Variants in PKIB observed in about 807,000 individuals in gnomAD.
PKIB encodes the protein PKI-beta.
PKIB carries 2 observed loss-of-function variants against 4.5 expected under a neutral mutation model. The observed-to-expected ratio is 0.44, with a 90% confidence interval of 0.18 to 1.39. The LOEUF is 1.39. Ranked by LOEUF, PKIB falls within the 40% of genes most tolerant of loss-of-function variation. PKIB has a pLI of 0.27. For missense variants in PKIB, 94 were observed against 92.6 expected (o/e 1.02, Z -0.06); for synonymous variants, 38 against 36.0 (o/e 1.06, Z -0.20).
intron 3 of PKIB, among the ~76,000 whole-genome samples, chr6:122,600,222 G>C (rs563018983): frequency 2.6e-5 from 4 of 152,088 alleles, no homozygotes; most frequent in Non-Finnish European, 5.9e-5. Flanking sequence ...TGGGAGGCTA[G>C]GCCTGTCTCT....
chr6:122,558,949 G>A (rs1227495342), intron 2 of PKIB, among the ~76,000 whole-genome samples: 1 of 152,048 alleles, frequency 6.6e-6, no homozygotes, highest in Non-Finnish European at 1.5e-5. Context: ...TCATTCTTAC[G>A]CCTTTGCGCC....
chr6:122,717,215 T>TC (rs11465049), intron 3 of PKIB, among the ~76,000 whole-genome samples: 150,028 of 152,208 alleles, frequency 0.99, 73,972 homozygotes, highest in Middle Eastern at 1. Flanking sequence ...GTCCTACTCT[T>TC]CAACCATTAC....
chr6:122,686,165 T>A (rs1226486198), intron 3 of PKIB, among the ~76,000 whole-genome samples: 1 of 152,210 alleles, frequency 6.6e-6, no homozygotes, highest in African/African-American at 2.4e-5. Flanking sequence ...TTGAAGTATG[T>A]ACATTGCAGT....
intron 1 of PKIB, among the ~76,000 whole-genome samples, chr6:122,473,812 T>G (rs1029106357): frequency 6.6e-6 from 1 of 152,218 alleles, no homozygotes; most frequent in Non-Finnish European, 1.5e-5. Context: ...AAAATTCAAA[T>G]TAGTCTAAGT....
Position 122,725,530 on chromosome 6 carries a change from T to C in PKIB, c.*335T>C, listed in dbSNP as rs1016811102. 2 of 193,636 alleles carry C rather than the reference T, an allele frequency of 1.0e-5. No homozygotes were observed. The highest frequency in any genetic ancestry group is 1.2e-4 in the Admixed American group (2 of 17,324). The allele number at this position is 193,636 out of a possible 1,614,324, so 12.0% of individuals were successfully genotyped here. On this transcript the variant is annotated 3_prime_UTR_variant, in exon 5 of 5. Coordinates refer to ENST00000368452, the MANE Select transcript of PKIB (RefSeq NM_181795.3). ...TAGCCTGATGTATTTTTAATTCAAT[T>C]TTTATGGTGATGGGCAAATCATTCT...
chr6:122,480,536 A>C (rs1775584214), intron 2 of PKIB: 1 of 152,166 alleles, frequency 6.6e-6, no homozygotes, highest in African/African-American at 2.4e-5. Flanking sequence ...TTTTCTATTC[A>C]AGTTATTTAC....
chr6:122,613,972 A>AAG (rs1774877080), intron 1 of PKIB, among the ~76,000 whole-genome samples: 1 of 151,778 alleles, frequency 6.6e-6, no homozygotes, highest in South Asian at 2.1e-4. Context: ...AAAAAAAAAA[A>AAG]AAAAAAAAGA....
chr6:122,503,246 A>G (rs140341946), intron 2 of PKIB, among the ~76,000 whole-genome samples: 2 of 152,344 alleles, frequency 1.3e-5, no homozygotes, highest in Admixed American at 6.5e-5. Context: ...TTCAGTACAT[A>G]ACAGGTAGTG....
At chr6:122,578,781 T>G (rs1773622652) in intron 2 of PKIB, among the ~76,000 whole-genome samples, 1 of 152,172 alleles carries the variant, frequency 6.6e-6, no homozygotes, top group Admixed American at 6.5e-5. Context: ...TCCCATAATC[T>G]CCATGTGTCG....
At chr6:122,509,656 C>T (rs1474447137) in intron 2 of PKIB, among the ~76,000 whole-genome samples, 1 of 152,064 alleles carries the variant, frequency 6.6e-6, no homozygotes, top group Non-Finnish European at 1.5e-5. Context: ...TGGTGTCGAT[C>T]TCCTGACCTC....
intron 3 of PKIB, among the ~76,000 whole-genome samples, chr6:122,679,517 G>C (rs1466957722): frequency 6.6e-6 from 1 of 152,170 alleles, no homozygotes; most frequent in Non-Finnish European, 1.5e-5. Context: ...CTAAGCTAGA[G>C]AGGCTGGTGA....
chr6:122,703,440 A>G (rs1315777446), intron 3 of PKIB, among the ~76,000 whole-genome samples: 1 of 152,118 alleles, frequency 6.6e-6, no homozygotes, highest in East Asian at 1.9e-4. Flanking sequence ...TGATAAGACT[A>G]CTGTTTTTAT....
intron 2 of PKIB, among the ~76,000 whole-genome samples, chr6:122,556,058 C>T (rs994894706): frequency 2.0e-5 from 3 of 152,134 alleles, no homozygotes; most frequent in African/African-American, 2.4e-5. Context: ...TTAATCCCCA[C>T]GTGTTGGGGA....
intron 3 of PKIB, among the ~76,000 whole-genome samples, chr6:122,713,905 A>G (rs1779371748): frequency 1.3e-5 from 2 of 152,132 alleles, no homozygotes; most frequent in African/African-American, 4.8e-5. Flanking sequence ...TTTTCCCCCT[A>G]TAAATATTAA....
chr6:122,718,001 T>C, intron 4 of PKIB, 38 bp downstream of exon 4: 1 of 1,588,250 alleles, frequency 6.3e-7, no homozygotes, highest in Non-Finnish European at 8.6e-7. Flanking sequence ...ACAGCACTTG[T>C]CCCTTCTTAA....
chr6:122,614,724 AATAC>A (rs1336249560), intron 1 of PKIB, among the ~76,000 whole-genome samples: 13 of 152,310 alleles, frequency 8.5e-5, no homozygotes, highest in African/African-American at 3.1e-4. Flanking sequence ...GGATTGAGCT[AATAC>A]ATCTCAGAAG....
At chr6:122,598,567 C>T (rs567568693) in intron 3 of PKIB, among the ~76,000 whole-genome samples, 1 of 152,308 alleles carries the variant, frequency 6.6e-6, no homozygotes, top group South Asian at 2.1e-4. Context: ...GATGCAGGTG[C>T]TGCCCTCACA....
At chr6:122,563,303 C>G (rs1773086373) in intron 2 of PKIB, among the ~76,000 whole-genome samples, 1 of 152,090 alleles carries the variant, frequency 6.6e-6, no homozygotes, top group African/African-American at 2.4e-5. Context: ...GCACATAGTC[C>G]TGTGATGTGA....
At chr6:122,529,201 A>G (rs938091106) in intron 2 of PKIB, among the ~76,000 whole-genome samples, 2 of 151,840 alleles carry the variant, frequency 1.3e-5, no homozygotes, top group African/African-American at 4.8e-5. Flanking sequence ...TTTACTTCTT[A>G]TTTCCTTTTG....
Sources: allele counts gnomAD v4.1 joint callset (sites outside exome capture counted in the v4.1 genomes callset), GRCh38; gene constraint gnomAD v4.1.1; transcripts MANE v1.5; gene names NCBI Gene and HGNC (gene_info 2026-07-23, HGNC 2026-07-21).